COLEC12: variants seen among roughly 807,000 people sequenced by gnomAD.
COLEC12 encodes collectin subfamily member 12.
Under a neutral mutation model 71.1 loss-of-function variants are expected in COLEC12, and 33 were observed. The ratio of observed to expected loss-of-function variants is 0.46; its 90% confidence interval spans 0.35 to 0.62. The LOEUF (loss-of-function observed/expected upper bound fraction) is 0.62, where lower values mean the gene tolerates loss of function less well. Among genes scored for constraint, COLEC12 ranks in the 20% least tolerant of loss-of-function variants. The pLI is 0.00. For missense variants in COLEC12, 765 were observed against 916.1 expected, an observed-to-expected ratio of 0.84 and a Z score of 2.13; for synonymous variants, 350 against 353.0, an observed-to-expected ratio of 0.99 and a Z score of 0.10.
rs980764744 is a variant in COLEC12, at chr18:327,742, G to A, written c.2063+3926C>T. ...GCAAACTGTTTTAAAAGGATTTCAC[G>A]CGTGTTGGGAGAAAAGAATAAGGGG... On this transcript the variant is annotated intron_variant, in intron 8 of 9. Coordinates refer to ENST00000400256, the MANE Select transcript of COLEC12 (RefSeq NM_130386.3). The surrounding 1 kb of genome is among the most constrained non-coding windows in gnomAD (Gnocchi z 4.0). Among the ~76,000 whole-genome samples, 2 of 152,186 alleles carry A rather than the reference G, an allele frequency of 1.3e-5. No individual in the cohort carries two copies. The highest frequency in any genetic ancestry group is 2.4e-5 in the African/African-American group (1 of 41,442).
chr18:333,317 G>C (rs1444002649), intron 6 of COLEC12, 174 bp from the exon 7 acceptor site: 3 of 557,026 alleles, frequency 5.4e-6, no homozygotes, highest in Non-Finnish European at 9.4e-6. Context: ...ATGACCCAAA[G>C]TGGACTGCAG....
At chr18:396,519 G>C (rs1405905888) in intron 2 of COLEC12, among the ~76,000 whole-genome samples, 1 of 152,208 alleles carries the variant, frequency 6.6e-6, no homozygotes, top group Non-Finnish European at 1.5e-5. Flanking sequence ...ATTATGGGTT[G>C]AAAAGTAAAA....
At chr18:354,339 C>T (rs1914584471) in intron 3 of COLEC12, among the ~76,000 whole-genome samples, 1 of 152,232 alleles carries the variant, frequency 6.6e-6, no homozygotes, top group South Asian at 2.1e-4. Flanking sequence ...AGCAAATTCT[C>T]TTGATGGAAG....
chr18:350,543 G>A (rs1043253418), intron 3 of COLEC12, among the ~76,000 whole-genome samples: 3 of 152,132 alleles, frequency 2.0e-5, no homozygotes, highest in Admixed American at 1.3e-4. Context: ...TAAATAAGAG[G>A]ATGTTTCTCC....
intron 1 of COLEC12, among the ~76,000 whole-genome samples, chr18:496,994 T>C (rs1172073626): frequency 2.0e-5 from 3 of 152,248 alleles, no homozygotes; most frequent in Non-Finnish European, 2.9e-5. Flanking sequence ...GTACAGCTAA[T>C]TGAAAATGAA....
chr18:384,857 A>G (rs1328270787), intron 2 of COLEC12, among the ~76,000 whole-genome samples: 1 of 152,268 alleles, frequency 6.6e-6, no homozygotes, highest in Non-Finnish European at 1.5e-5. Flanking sequence ...TACCAAATGG[A>G]TAAGCACAGA....
At chr18:474,653 G>A (rs768764847) in intron 2 of COLEC12, among the ~76,000 whole-genome samples, 11 of 152,198 alleles carry the variant, frequency 7.2e-5, no homozygotes, top group Non-Finnish European at 1.3e-4. Flanking sequence ...AGCTCCACCT[G>A]CCTGCCTGGA....
intron 2 of COLEC12, among the ~76,000 whole-genome samples, chr18:470,267 G>A (rs7232942): frequency 1.4e-5 from 2 of 140,786 alleles, no homozygotes; most frequent in Non-Finnish European, 3.0e-5. Flanking sequence ...AGTCTCGCTC[G>A]GTCTCCCAGG....
intron 3 of COLEC12, among the ~76,000 whole-genome samples, 160 bp downstream of exon 3, chr18:357,240 G>A (rs1402207334): frequency 6.6e-6 from 1 of 152,212 alleles, no homozygotes; most frequent in Non-Finnish European, 1.5e-5. Context: ...AGATCTCATA[G>A]CTGTAAGTTT....
Position 500,544 on chromosome 18 carries a change from G to A in COLEC12, c.-30C>T. 8.2e-7 allele frequency: 1 copy of A among 1,222,492 alleles called. No homozygotes were observed. Among genetic ancestry groups the A allele is most frequent in the Non-Finnish European group, 1.0e-6 (1 of 982,144 alleles). 75.7% of individuals were successfully genotyped at this position (1,222,492 alleles called of 1,614,324 possible). On this transcript the variant is annotated 5_prime_UTR_variant, in exon 1 of 10. Coordinates refer to ENST00000400256, the MANE Select transcript of COLEC12 (RefSeq NM_130386.3). This position sits in a 1 kb window ranked among gnomAD's most constrained non-coding sequence, Gnocchi z 5.3. The stretch of plus-strand genomic sequence containing the variant: ...ACCGTGGGGACGCACCGCCGGCCGG[G>A]GAGCTCCGCGCGAGCGCCGCGCAGC...
intron 2 of COLEC12, among the ~76,000 whole-genome samples, chr18:443,296 T>G (rs1263433282): frequency 1.3e-5 from 2 of 152,250 alleles, no homozygotes; most frequent in African/African-American, 4.8e-5. Flanking sequence ...GAGTTATTGT[T>G]CAAAATCTCC....
rs1914404351 is a variant in COLEC12, at chr18:347,224, T to G, written c.398A>C (p.Lys133Thr). 1 of 1,614,084 alleles carries G rather than the reference T, an allele frequency of 6.2e-7. No homozygotes were observed. The highest frequency in any genetic ancestry group is 1.3e-5 in the African/African-American group (1 of 74,918). Residue 133 changes from lysine to threonine, a missense_variant, in exon 5 of 10, where the codon AAG (lysine) becomes ACG (threonine). Physicochemically the swap from Lys to Thr is moderately conservative, Grantham distance 78. Coordinates refer to ENST00000400256, the MANE Select transcript of COLEC12 (RefSeq NM_130386.3). ...REITEKTSKN[K>T]DTLEKLQASG... ...CGCCTGTAACTTCTCCAGCGTATCC[T>G]TGTTCTTGCTGGTTTTTTCTGTAAT... is the stretch of plus-strand genomic sequence containing the variant.
intron 2 of COLEC12, among the ~76,000 whole-genome samples, chr18:463,649 C>T (rs1917028342): frequency 6.6e-6 from 1 of 152,116 alleles, no homozygotes; most frequent in Non-Finnish European, 1.5e-5. Context: ...ATCAGTTACA[C>T]AGTCAGAGCC....
chr18:401,179 C>T (rs1433437596), intron 2 of COLEC12, among the ~76,000 whole-genome samples: 4 of 152,214 alleles, frequency 2.6e-5, no homozygotes, highest in Non-Finnish European at 5.9e-5. Flanking sequence ...CTATTCTCAC[C>T]AATACGCCTC....
At chr18:420,663 A>T (rs1211690041) in intron 2 of COLEC12, among the ~76,000 whole-genome samples, 1 of 152,224 alleles carries the variant, frequency 6.6e-6, no homozygotes, top group African/African-American at 2.4e-5. Context: ...TGCAACTCCA[A>T]GAGAGGTGAC....
At chr18:379,607 A>G (rs1461468452) in intron 2 of COLEC12, among the ~76,000 whole-genome samples, 3 of 152,224 alleles carry the variant, frequency 2.0e-5, no homozygotes, top group African/African-American at 7.2e-5. Context: ...TATTCCAGTC[A>G]AAGCCCAAAA....
intron 2 of COLEC12, among the ~76,000 whole-genome samples, chr18:416,057 C>T (rs1915979192): frequency 6.6e-6 from 1 of 152,182 alleles, no homozygotes; most frequent in Admixed American, 6.5e-5. Flanking sequence ...GAGTTATCAT[C>T]ATGCTAGTAG....
intron 2 of COLEC12, among the ~76,000 whole-genome samples, chr18:436,153 C>A (rs1301591318): frequency 1.3e-5 from 2 of 152,228 alleles, no homozygotes; most frequent in Non-Finnish European, 2.9e-5. Flanking sequence ...ATTCTGCTCA[C>A]ATAGGCCCCA....
At chr18:439,280 T>C (rs973864238) in intron 2 of COLEC12, among the ~76,000 whole-genome samples, 1 of 152,202 alleles carries the variant, frequency 6.6e-6, no homozygotes, top group Non-Finnish European at 1.5e-5. Flanking sequence ...TCAGAGTCAC[T>C]GTCCACATGC....
Sources: gnomAD v4.1 joint callset for allele counts (sites outside exome capture counted in the v4.1 genomes callset) on GRCh38, gnomAD v4.1.1 for gene constraint, Gnocchi (gnomAD v3.1) non-coding constraint, MANE v1.5 for transcripts, NCBI Gene and HGNC (gene_info 2026-07-23, HGNC 2026-07-21) for gene names.